Variants in ENTREP2 observed in about 807,000 individuals in gnomAD.
The protein encoded by ENTREP2 is endosomal transmembrane epsin interactor 2, also known as protein ENTREP2.
At chr15:29,442,713 C>T in the ENTREP2 span, among the ~76,000 whole-genome samples, 14 of 152,274 alleles carry the variant, frequency 9.2e-5, no homozygotes, top group African/African-American at 2.9e-4. Context: ...GGAGGGTCCC[C>T]GTGCCCCCCG....
the ENTREP2 span, among the ~76,000 whole-genome samples, chr15:29,388,654 G>C: frequency 6.6e-6 from 1 of 152,118 alleles, no homozygotes; most frequent in Non-Finnish European, 1.5e-5. Flanking sequence ...CTGCTATAAA[G>C]ACACATGCAC....
At chr15:29,372,729 A>G in the ENTREP2 span, among the ~76,000 whole-genome samples, 9 of 152,334 alleles carry the variant, frequency 5.9e-5, no homozygotes, top group African/African-American at 1.9e-4. Context: ...TTGACTTATT[A>G]TAAAGCTGGA....
the ENTREP2 span, among the ~76,000 whole-genome samples, chr15:29,200,883 T>C: frequency 6.6e-6 from 1 of 152,272 alleles, no homozygotes; most frequent in South Asian, 2.1e-4. Context: ...ACATATTAAC[T>C]GGGGGGAAAT....
chr15:29,146,142 G>A, the ENTREP2 span, among the ~76,000 whole-genome samples: 1 of 152,106 alleles, frequency 6.6e-6, no homozygotes, highest in Non-Finnish European at 1.5e-5. Context: ...GAATATAACT[G>A]AAAGAAATTA....
chr15:29,256,889 T>C, the ENTREP2 span, among the ~76,000 whole-genome samples: 2,844 of 152,190 alleles, frequency 0.019, 51 homozygotes, highest in Non-Finnish European at 0.027. Flanking sequence ...AGTAAAAGTA[T>C]ATAATAGTAG....
the ENTREP2 span, chr15:29,268,689 A>T: frequency 8.3e-7 from 1 of 1,205,046 alleles, no homozygotes; most frequent in Non-Finnish European, 1.2e-6. Context: ...TGAAGCGTTT[A>T]CAGCAATATG....
At chr15:29,132,036 C>T in the ENTREP2 span, among the ~76,000 whole-genome samples, 1 of 148,548 alleles carries the variant, frequency 6.7e-6, no homozygotes, top group African/African-American at 2.5e-5. Flanking sequence ...TGGGTTAAAC[C>T]TCTTCCCCAG....
the ENTREP2 span, among the ~76,000 whole-genome samples, chr15:29,578,825 G>GA: frequency 3.9e-5 from 6 of 151,996 alleles, no homozygotes; most frequent in African/African-American, 1.4e-4. Flanking sequence ...TAAAATTGAA[G>GA]TTTTTAACAC....
chr15:29,330,256 G>T, the ENTREP2 span, among the ~76,000 whole-genome samples: 6 of 151,358 alleles, frequency 4.0e-5, no homozygotes, highest in Admixed American at 3.9e-4. Flanking sequence ...GGCCAACATG[G>T]TGAAACCCGG....
At chr15:29,315,425 T>G in the ENTREP2 span, among the ~76,000 whole-genome samples, 3 of 152,212 alleles carry the variant, frequency 2.0e-5, no homozygotes, top group African/African-American at 4.8e-5. Context: ...CTATGGTAAT[T>G]TAGTATATGA....
chr15:29,468,184 T>C, the ENTREP2 span, among the ~76,000 whole-genome samples: 23 of 152,176 alleles, frequency 1.5e-4, no homozygotes, highest in Admixed American at 7.9e-4. Flanking sequence ...TGTAAAGCCA[T>C]AAATATTTCT....
the ENTREP2 span, among the ~76,000 whole-genome samples, chr15:29,209,124 A>G: frequency 6.6e-6 from 1 of 152,140 alleles, no homozygotes; most frequent in Non-Finnish European, 1.5e-5. Flanking sequence ...TTCACCTGTC[A>G]AGAGTTACTA....
At chr15:29,268,069 A>C in the ENTREP2 span, 7 of 152,350 alleles carry the variant, frequency 4.6e-5, no homozygotes, top group African/African-American at 1.7e-4. Context: ...ATTGACCTTA[A>C]TATGTAGCAA....
chr15:29,447,933 G>A, the ENTREP2 span, among the ~76,000 whole-genome samples: 1 of 152,046 alleles, frequency 6.6e-6, no homozygotes, highest in Admixed American at 6.5e-5. Flanking sequence ...GGGCGTGGTG[G>A]CAAGTGCCTG....
chr15:29,350,996 T>C, the ENTREP2 span, among the ~76,000 whole-genome samples: 4 of 152,102 alleles, frequency 2.6e-5, no homozygotes, highest in East Asian at 1.9e-4. Context: ...TCATAAGAGA[T>C]AAGAGAACAC....
the ENTREP2 span, among the ~76,000 whole-genome samples, chr15:29,389,878 C>T: frequency 6.6e-6 from 1 of 152,280 alleles, no homozygotes; most frequent in Admixed American, 6.5e-5. Flanking sequence ...CCAGACCTCT[C>T]CAGGAGGGGC....
chr15:29,250,304 C>A, the ENTREP2 span, among the ~76,000 whole-genome samples: 1 of 152,096 alleles, frequency 6.6e-6, no homozygotes, highest in Non-Finnish European at 1.5e-5. Context: ...GATTTCTGGC[C>A]TTGTATGAGC....
the ENTREP2 span, among the ~76,000 whole-genome samples, chr15:29,512,855 C>A: frequency 6.6e-6 from 1 of 152,198 alleles, no homozygotes; most frequent in African/African-American, 2.4e-5. Context: ...ACTGGTGATG[C>A]ACAAATCCAC....
At chr15:29,237,121 T>C in the ENTREP2 span, among the ~76,000 whole-genome samples, 2 of 152,188 alleles carry the variant, frequency 1.3e-5, no homozygotes, top group African/African-American at 2.4e-5. Flanking sequence ...GAAGAAAAAT[T>C]ACATGATTAT....
Sources: allele counts gnomAD v4.1 joint callset (sites outside exome capture counted in the v4.1 genomes callset), GRCh38; gene constraint gnomAD v4.1.1; transcripts MANE v1.5; gene names NCBI Gene and HGNC (gene_info 2026-07-23, HGNC 2026-07-21).